The following DOT1L variants were observed in gnomAD, a reference collection of about 807,000 sequenced individuals.
DOT1L encodes the protein DOT1 like histone lysine methyltransferase.
A neutral mutation model predicts 153.3 loss-of-function variants in DOT1L; 33 were observed. That is an observed-to-expected ratio of 0.22 (90% CI 0.16 to 0.29). The LOEUF is 0.29. Among genes scored for constraint, DOT1L ranks in the 10% least tolerant of loss-of-function variants. The pLI is 1.00. For missense variants in DOT1L, 1,847 were observed against 2,119.9 expected (o/e 0.87, Z 2.53); for synonymous variants, 1,135 against 965.1 (o/e 1.18, Z -3.26).
chr19:2,186,007 A>G, intron 3 of DOT1L, 78 bp downstream of exon 3: 5 of 1,370,320 alleles, frequency 3.6e-6, no homozygotes, highest in South Asian at 1.2e-5. Flanking sequence ...CGCATCCTAT[A>G]ATTAGCTCTT....
chr19:2,197,438 C>T lies in DOT1L; in HGVS notation c.652-2446C>T, dbSNP rs369045430. 4.1e-4 allele frequency among the ~76,000 whole-genome samples: 63 copies of T among 152,346 alleles called. No homozygotes were observed. Among genetic ancestry groups the T allele is most frequent in the African/African-American group, 1.5e-3 (62 of 41,590 alleles). On this transcript the variant is annotated intron_variant, in intron 7 of 27. Coordinates refer to ENST00000398665, the MANE Select transcript of DOT1L (RefSeq NM_032482.3). This position sits in a 1 kb window ranked among gnomAD's most constrained non-coding sequence, Gnocchi z 4.1. ...GAGGGCGCCATGGTGCCTTCCTCCGCGCGGTCTGGCTGGGCTGAGCCTTGC... is the reference window on the plus strand; with the variant it reads ...GAGGGCGCCATGGTGCCTTCCTCCGTGCGGTCTGGCTGGGCTGAGCCTTGC...
At position 2,229,821 on chromosome 19, in the gene DOT1L, C is replaced by G; in HGVS notation, c.*29C>G. The stretch of plus-strand genomic sequence containing the variant: ...TTCTACCTCAACCGCGAGACCTATG[C>G]AAGGACGGTGTGGACCAACTCGCGC... On this transcript the variant is annotated 3_prime_UTR_variant, in exon 28 of 28. Coordinates refer to ENST00000398665, the MANE Select transcript of DOT1L (RefSeq NM_032482.3). 6.2e-7 allele frequency: 1 copy of G among 1,613,086 alleles called. No homozygotes were observed.
chr19:2,213,826 T>C, intron 17 of DOT1L, 23 bp from the exon 18 acceptor site: 1 of 1,612,544 alleles, frequency 6.2e-7, no homozygotes, highest in African/African-American at 1.3e-5. Context: ...CAGCATGACC[T>C]CTCCCCCGCC....
At chr19:2,201,906 C>T (rs2023303490) in intron 8 of DOT1L, among the ~76,000 whole-genome samples, 2 of 152,232 alleles carry the variant, frequency 1.3e-5, no homozygotes, top group South Asian at 4.1e-4. Context: ...ACAGGCTGCC[C>T]ACTGGTTGTG....
chr19:2,226,313 C>G lies in DOT1L; in HGVS notation c.3792C>G (p.Ser1264Arg). The G allele has an allele frequency of 6.3e-7, 1 of 1,599,014 alleles. No homozygotes were observed. Among genetic ancestry groups the G allele is most frequent in the Non-Finnish European group, 8.5e-7 (1 of 1,174,442 alleles). Residue 1264 changes from serine (S) to arginine (R), a missense_variant, in exon 27 of 28, where the codon AGC (serine) becomes AGG (arginine). Transcript: ENST00000398665. ...CGGCGGACAGCCCGCTGCAGGCCAG[C>G]TCCGCCCTCAGCCAGAACTCCCTGT... Reference protein sequence around the residue: ...AKSADSPLQASSALSQNSLFT... With the variant: ...AKSADSPLQARSALSQNSLFT...
chr19:2,232,274 GACTTCCCCCTTAATTTATC>G lies in DOT1L; in HGVS notation c.*2483_*2501del, dbSNP rs1375407855. 1 of 217,208 alleles carries G rather than the reference GACTTCCCCCTTAATTTATC, an allele frequency of 4.6e-6. No individual in the cohort carries two copies. The highest frequency in any genetic ancestry group is 9.2e-6 in the Non-Finnish European group (1 of 108,182). 13.5% of individuals were successfully genotyped at this position (217,208 alleles called of 1,614,324 possible). A position where few individuals can be genotyped will look rare whatever the true frequency, so the allele number is the denominator to read the frequency against. ...GAGGCACGCACAGTGACTTATTTAA[GACTTCCCCCTTAATTTATC>G]TGCCCCCAGGATGCGTCAGTCTGTT... On this transcript the variant is annotated 3_prime_UTR_variant, in exon 28 of 28. Transcript: ENST00000398665.
At chr19:2,214,809 G>A (rs2023839513) in intron 19 of DOT1L, 2 of 616,084 alleles carry the variant, frequency 3.2e-6, no homozygotes, top group Non-Finnish European at 5.2e-6. Context: ...GCTCTCGGGG[G>A]CATCTCGGGA....
chr19:2,215,608 G>A (rs1451124178), intron 19 of DOT1L: 1 of 152,284 alleles, frequency 6.6e-6, no homozygotes, highest in Non-Finnish European at 1.5e-5. Flanking sequence ...GTCCCCGGAG[G>A]CGGGCTCTCA....
At chr19:2,198,793 C>G (rs1210181981) in intron 7 of DOT1L, among the ~76,000 whole-genome samples, 1 of 152,216 alleles carries the variant, frequency 6.6e-6, no homozygotes, top group African/African-American at 2.4e-5. Flanking sequence ...TTCACAGAAA[C>G]AGGATCACAC....
At chr19:2,172,160 G>A (rs1021718275) in intron 1 of DOT1L, among the ~76,000 whole-genome samples, 1 of 151,996 alleles carries the variant, frequency 6.6e-6, no homozygotes, top group African/African-American at 2.4e-5. Context: ...CCACTCCTCG[G>A]ACGCACTTTT....
At chr19:2,176,136 C>T (rs1214618983) in intron 1 of DOT1L, among the ~76,000 whole-genome samples, 3 of 152,188 alleles carry the variant, frequency 2.0e-5, no homozygotes, top group Non-Finnish European at 4.4e-5. Context: ...CCTGCACACC[C>T]ACCCACCATG....
At chr19:2,164,390 A>G (rs1234365442) in intron 1 of DOT1L, 125 bp downstream of exon 1, 7 of 566,552 alleles carry the variant, frequency 1.2e-5, no homozygotes, top group African/African-American at 2.0e-5. Context: ...CCTGGACTCC[A>G]CTGTCGCTGC....
At chr19:2,228,188 C>T (rs1269949363) in intron 27 of DOT1L, 1 of 1,365,228 alleles carries the variant, frequency 7.3e-7, no homozygotes, top group Non-Finnish European at 9.8e-7. Context: ...GCGCCCGCCC[C>T]TCCTTCACGG....
chr19:2,218,272 G>T (rs573649069), intron 22 of DOT1L, among the ~76,000 whole-genome samples: 152 of 152,350 alleles, frequency 1.0e-3, no homozygotes, highest in Non-Finnish European at 1.9e-3. Context: ...CCCACCCAGC[G>T]CTGTGCATGC....
chr19:2,165,375 C>T (rs1400369373), intron 1 of DOT1L, among the ~76,000 whole-genome samples: 1 of 152,202 alleles, frequency 6.6e-6, no homozygotes, highest in Non-Finnish European at 1.5e-5. Context: ...GGCTGGCTCA[C>T]TGCCCCGGGT....
At chr19:2,229,248 T>A in intron 27 of DOT1L, 1 of 985,448 alleles carries the variant, frequency 1.0e-6, no homozygotes, top group Non-Finnish European at 1.2e-6. Context: ...TGAGGGCAGT[T>A]GGCCACCCGT....
intron 1 of DOT1L, among the ~76,000 whole-genome samples, chr19:2,174,513 C>G (rs1568328152): frequency 6.6e-6 from 1 of 152,100 alleles, no homozygotes; most frequent in African/African-American, 2.4e-5. Context: ...GTGGAGAAAC[C>G]CCGTCTCTGT....
At chr19:2,209,044 G>C (rs1728988027) in intron 12 of DOT1L, 68 bp downstream of exon 12, 1 of 1,554,346 alleles carries the variant, frequency 6.4e-7, no homozygotes, top group African/African-American at 1.4e-5. Context: ...ATGCAAAGCC[G>C]TGCGCAGCCG....
At chr19:2,214,105 CAGACGA>C in intron 18 of DOT1L, 119 bp downstream of exon 18, 1 of 1,438,324 alleles carries the variant, frequency 7.0e-7, no homozygotes, top group South Asian at 1.4e-5. Context: ...GGTTTGTTCC[CAGACGA>C]ATTGCGCCAC....
Sources: allele counts gnomAD v4.1 joint callset (sites outside exome capture counted in the v4.1 genomes callset), GRCh38; gene constraint gnomAD v4.1.1; non-coding constraint Gnocchi (gnomAD v3.1); transcripts MANE v1.5; gene names NCBI Gene and HGNC (gene_info 2026-07-23, HGNC 2026-07-21).